SNCAIP: variants seen among roughly 807,000 people sequenced by gnomAD.
SNCAIP encodes the protein synuclein alpha interacting protein.
SNCAIP carries 43 observed loss-of-function variants against 86.7 expected under a neutral mutation model. That is an observed-to-expected ratio of 0.50 (90% CI 0.39 to 0.64). The LOEUF (loss-of-function observed/expected upper bound fraction) is 0.64. Ranked by LOEUF, SNCAIP falls within the 30% of genes least tolerant of loss-of-function variation. SNCAIP has a pLI of 0.00. For missense variants in SNCAIP, 981 were observed against 1,103.1 expected, an observed-to-expected ratio of 0.89 and a Z score of 1.57; for synonymous variants, 417 against 427.2, an observed-to-expected ratio of 0.98 and a Z score of 0.29.
chr5:122,456,994 TTTTTG>T (rs546191635), intron 10 of SNCAIP, among the ~76,000 whole-genome samples: 2 of 152,156 alleles, frequency 1.3e-5, no homozygotes, highest in East Asian at 1.9e-4. Flanking sequence ...ATGTTTTTTA[TTTTTG>T]TTTTGTTTTG....
At chr5:122,402,523 T>G (rs1772043382) in intron 2 of SNCAIP, among the ~76,000 whole-genome samples, 1 of 152,182 alleles carries the variant, frequency 6.6e-6, no homozygotes, top group African/African-American at 2.4e-5. Context: ...CACTTTTCAC[T>G]TGGAAATACT....
chr5:122,430,249 G>A (rs1778150521), intron 5 of SNCAIP, among the ~76,000 whole-genome samples: 1 of 152,112 alleles, frequency 6.6e-6, no homozygotes, highest in Non-Finnish European at 1.5e-5. Flanking sequence ...AGCCTCCCTT[G>A]GCTCCCTGCC....
At chr5:122,383,085 C>A (rs370206743) in intron 1 of SNCAIP, among the ~76,000 whole-genome samples, 4 of 152,242 alleles carry the variant, frequency 2.6e-5, no homozygotes, top group Non-Finnish European at 5.9e-5. Flanking sequence ...TGGAGCTTCC[C>A]GGCTGCTTTG....
At chr5:122,318,538 G>A (rs1205940354) in intron 1 of SNCAIP, among the ~76,000 whole-genome samples, 7 of 152,146 alleles carry the variant, frequency 4.6e-5, no homozygotes, top group African/African-American at 1.2e-4. Flanking sequence ...AGAGAAAAAT[G>A]TGTGTTGAAT....
At chr5:122,361,178 A>C (rs1440845790) in intron 1 of SNCAIP, among the ~76,000 whole-genome samples, 1 of 135,558 alleles carries the variant, frequency 7.4e-6, no homozygotes, top group African/African-American at 3.1e-5. Context: ...TCATTTTTGA[A>C]AAAAAAAAAA....
In SNCAIP at chr5:122,444,687, T is replaced by A. The variant is rs1244068349; in HGVS notation, c.1547T>A (p.Met516Lys). ...TACCTGGTGGTGGTGGAGACCTGCA[T>A]GTCGCTGGCCTCTCAAGTGGTGAAG... is the stretch of plus-strand genomic sequence containing the variant. ...SRYLVVVETC[M>K]SLASQVVKLT... Residue 516 changes from methionine to lysine, a missense_variant, in exon 8 of 11, where the codon ATG (methionine) becomes AAG (lysine). Physicochemically the swap from Met to Lys is moderately conservative, Grantham distance 95 (BLOSUM62 -1). Coordinates refer to ENST00000261368, the MANE Select transcript of SNCAIP (RefSeq NM_005460.4). 1 of 1,613,872 alleles carries A rather than the reference T, an allele frequency of 6.2e-7. No individual in the cohort carries two copies. Among genetic ancestry groups the A allele is most frequent in the Admixed American group, 1.7e-5 (1 of 59,990 alleles).
intron 3 of SNCAIP, among the ~76,000 whole-genome samples, chr5:122,407,451 A>G (rs1472188372): frequency 6.6e-6 from 1 of 152,158 alleles, no homozygotes; most frequent in Non-Finnish European, 1.5e-5. Flanking sequence ...GGGAGTTCAG[A>G]TTTTATGCTT....
intron 1 of SNCAIP, chr5:122,321,844 T>C (rs933786805): frequency 1.3e-5 from 2 of 152,190 alleles, no homozygotes; most frequent in Non-Finnish European, 2.9e-5. Flanking sequence ...CCTAGAATTG[T>C]ATTGAGACTG....
chr5:122,373,166 T>G (rs965678155), intron 1 of SNCAIP, among the ~76,000 whole-genome samples: 2 of 152,186 alleles, frequency 1.3e-5, no homozygotes, highest in South Asian at 4.1e-4. Flanking sequence ...AAAACTGTAT[T>G]ATACTGTATA....
At chr5:122,463,088 A>G (rs546943630) in intron 10 of SNCAIP, among the ~76,000 whole-genome samples, 1 of 152,350 alleles carries the variant, frequency 6.6e-6, no homozygotes, top group African/African-American at 2.4e-5. Context: ...TTAAGGCTCA[A>G]GCTTATTGGA....
intron 1 of SNCAIP, among the ~76,000 whole-genome samples, chr5:122,320,752 C>T (rs953861197): frequency 4.6e-5 from 7 of 152,144 alleles, no homozygotes; most frequent in African/African-American, 1.7e-4. Flanking sequence ...AATGACTTAA[C>T]CACAGATGGA....
intron 6 of SNCAIP, 109 bp downstream of exon 6, chr5:122,432,191 C>G (rs537056144): frequency 1.4e-6 from 1 of 706,178 alleles, no homozygotes; most frequent in African/African-American, 1.8e-5. Context: ...AAAAATGTAT[C>G]CAAAGGTATA....
chr5:122,443,062 C>T (rs79272663), intron 7 of SNCAIP, among the ~76,000 whole-genome samples: 4,114 of 152,108 alleles, frequency 0.027, 133 homozygotes, highest in African/African-American at 0.081. Context: ...CTTCAAGAGC[C>T]CTGAGAGCTC....
At chr5:122,328,117 G>A (rs997825166) in intron 1 of SNCAIP, among the ~76,000 whole-genome samples, 2 of 152,284 alleles carry the variant, frequency 1.3e-5, no homozygotes, top group Admixed American at 1.3e-4. Flanking sequence ...ATGTTAAAAG[G>A]ATAGTTTGAG....
chr5:122,331,034 A>G (rs1755236283), intron 1 of SNCAIP, among the ~76,000 whole-genome samples: 1 of 152,080 alleles, frequency 6.6e-6, no homozygotes, highest in Admixed American at 6.6e-5. Flanking sequence ...TCATGCTCCT[A>G]TGAGAATCTA....
chr5:122,434,287 G>A (rs1400205727), intron 6 of SNCAIP, among the ~76,000 whole-genome samples: 1 of 152,226 alleles, frequency 6.6e-6, no homozygotes, highest in Non-Finnish European at 1.5e-5. Context: ...CAAAGAAAAG[G>A]AGGAAAGAAT....
intron 7 of SNCAIP, chr5:122,443,458 A>G (rs1248662137): frequency 6.0e-6 from 2 of 335,998 alleles, no homozygotes; most frequent in Non-Finnish European, 1.2e-5. Flanking sequence ...AACTAATGAT[A>G]CCTTGGCCAG....
intron 7 of SNCAIP, 196 bp from the exon 8 acceptor site, chr5:122,444,367 G>A (rs2152983244): frequency 1.6e-6 from 1 of 635,428 alleles, no homozygotes; most frequent in Admixed American, 2.2e-5. Flanking sequence ...CCCTCCTTAT[G>A]TGGGCTGCAG....
intron 2 of SNCAIP, among the ~76,000 whole-genome samples, chr5:122,392,063 C>A (rs1769491702): frequency 1.3e-5 from 2 of 152,196 alleles, no homozygotes; most frequent in Non-Finnish European, 2.9e-5. Context: ...AGCTATGGGT[C>A]ACCACTCAAA....
Sources: allele counts gnomAD v4.1 joint callset (sites outside exome capture counted in the v4.1 genomes callset), GRCh38; gene constraint gnomAD v4.1.1; transcripts MANE v1.5; gene names NCBI Gene and HGNC (gene_info 2026-07-23, HGNC 2026-07-21).